ZNF564: variants seen among roughly 807,000 people sequenced by gnomAD.
ZNF564 encodes the protein zinc finger protein 564.
Under a neutral mutation model 10.5 loss-of-function variants are expected in ZNF564, and 5 were observed. The observed-to-expected ratio is 0.48, with a 90% confidence interval of 0.25 to 1.00. The LOEUF is 1.00. Ranked by LOEUF, ZNF564 falls within the 50% of genes least tolerant of loss-of-function variation. The probability of loss-of-function intolerance (pLI) is 0.16; values close to 1 mark genes in which losing one functional copy is unlikely to be tolerated. For synonymous variants in ZNF564, 242 were observed against 218.1 expected (o/e 1.11, Z -0.97); for missense variants, 603 against 669.7 (o/e 0.90, Z 1.10).
chr19:12,529,998 A>T, intron 1 of ZNF564: 1 of 157,690 alleles, frequency 6.3e-6, no homozygotes, highest in South Asian at 1.9e-4. Context: ...AAAAAAAAAA[A>T]AAAGAAAGAA....
In ZNF564 at chr19:12,527,336, AT is replaced by A. The variant is rs764054027; in HGVS notation, c.771del (p.Glu257AspfsTer44). On this transcript the variant is annotated frameshift_variant, in exon 4 of 4. Transcript: ENST00000339282. LOFTEE classifies it low-confidence loss of function (END_TRUNC). ...CTGGGGCGGTCAAAGGCTTTTCCAC[AT>A]TCCTGACATTTATAAGGTCCATCTC... ...HTGDGPYKCQ[E>X]CGKAFDRPSL... The A allele has an allele frequency of 6.1e-4, 986 of 1,613,990 alleles. 14 individuals are homozygous for A. Among genetic ancestry groups the A allele is most frequent in the Non-Finnish European group, 1.6e-5 (19 of 1,179,984 alleles).
At chr19:12,530,460 A>G (rs1268800678) in intron 1 of ZNF564, among the ~76,000 whole-genome samples, 3 of 152,082 alleles carry the variant, frequency 2.0e-5, no homozygotes, top group African/African-American at 7.2e-5. Context: ...ACATACACAA[A>G]CATACTAAGA....
In ZNF564 at chr19:12,536,594, G is replaced by T. The variant is rs150650974; in HGVS notation, c.4-7898C>A. Among the ~76,000 whole-genome samples the T allele has an allele frequency of 1.1e-4, 16 of 152,250 alleles. No individual in the cohort carries two copies. The East Asian group carries it at 3.1e-3, about 29-fold the overall frequency. On this transcript the variant is annotated intron_variant, in intron 1 of 3. Coordinates refer to ENST00000339282, the MANE Select transcript of ZNF564 (RefSeq NM_144976.4). The stretch of plus-strand genomic sequence containing the variant: ...CTGCACTGTATATTCCGAGAAGTTA[G>T]GAGCCCAGCACTGTATATTCTGAGA...
chr19:12,543,472 C>T (rs1481160928), intron 1 of ZNF564, among the ~76,000 whole-genome samples: 6 of 151,464 alleles, frequency 4.0e-5, no homozygotes, highest in South Asian at 2.1e-4. Context: ...GTCAGGAGCT[C>T]GAGACCAGCC....
At chr19:12,542,701 A>G (rs1319183698) in intron 1 of ZNF564, among the ~76,000 whole-genome samples, 9 of 151,848 alleles carry the variant, frequency 5.9e-5, no homozygotes, top group African/African-American at 9.7e-5. Context: ...AAAAGGAAAG[A>G]AAGGAAGGAA....
intron 1 of ZNF564, among the ~76,000 whole-genome samples, chr19:12,545,216 C>A (rs2022127720): frequency 6.7e-6 from 1 of 148,528 alleles, no homozygotes; most frequent in South Asian, 2.1e-4. Flanking sequence ...GAGCCAAGAT[C>A]GCACCATTGC....
chr19:12,546,743 A>C (rs1042509345), intron 1 of ZNF564, among the ~76,000 whole-genome samples: 1 of 152,126 alleles, frequency 6.6e-6, no homozygotes, highest in Non-Finnish European at 1.5e-5. Flanking sequence ...AAAAGAAAAA[A>C]CAAAACAGAC....
chr19:12,539,075 C>CA (rs1370133296), intron 1 of ZNF564, among the ~76,000 whole-genome samples: 5 of 144,988 alleles, frequency 3.4e-5, no homozygotes, highest in Admixed American at 6.9e-5. Flanking sequence ...TAAAAAAATT[C>CA]AAAAAAAAAT....
intron 1 of ZNF564, among the ~76,000 whole-genome samples, chr19:12,536,194 T>C (rs1439991215): frequency 1.3e-5 from 2 of 152,152 alleles, no homozygotes; most frequent in African/African-American, 2.4e-5. Flanking sequence ...TTTCTTTTTT[T>C]GAGACAGGGT....
Position 12,525,536 on chromosome 19 carries a change from T to C in ZNF564, c.*910A>G, listed in dbSNP as rs144111423. On this transcript the variant is annotated 3_prime_UTR_variant, in exon 4 of 4. Coordinates refer to ENST00000339282, the MANE Select transcript of ZNF564 (RefSeq NM_144976.4). ...GATACTACTAATCCTAATGAGATGC[T>C]ATGTATGTCTTGAGTTTGATTTGTA... 1 of 152,358 alleles carries C rather than the reference T, an allele frequency of 6.6e-6. No individual in the cohort carries two copies. Among genetic ancestry groups the C allele is most frequent in the African/African-American group, 2.4e-5 (1 of 41,582 alleles). 9.4% of individuals were successfully genotyped at this position (152,358 alleles called of 1,614,324 possible).
At chr19:12,547,960 C>T (rs895188768) in intron 1 of ZNF564, among the ~76,000 whole-genome samples, 4 of 151,298 alleles carry the variant, frequency 2.6e-5, no homozygotes, top group Admixed American at 6.6e-5. Flanking sequence ...TACAGGCATG[C>T]GCCACCATGC....
At chr19:12,548,159 T>A (rs1342507067) in intron 1 of ZNF564, 3 of 982,170 alleles carry the variant, frequency 3.1e-6, no homozygotes, top group Non-Finnish European at 3.6e-6. Flanking sequence ...TCCAGCAAAA[T>A]CACTCAAACT....
At position 12,525,453 on chromosome 19, in the gene ZNF564, G is replaced by A. The variant is rs148477499; in HGVS notation, c.*993C>T. On this transcript the variant is annotated 3_prime_UTR_variant, in exon 4 of 4. Coordinates refer to ENST00000339282, the MANE Select transcript of ZNF564 (RefSeq NM_144976.4). ...ATACCACTGTACATTCCCAGTGATAGTGCACAATGTTCTCCAACATTCCAC... is the reference window on the plus strand; with the variant it reads ...ATACCACTGTACATTCCCAGTGATAATGCACAATGTTCTCCAACATTCCAC... The A allele has an allele frequency of 1.3e-5, 2 of 152,324 alleles. No homozygotes were observed. Among genetic ancestry groups the A allele is most frequent in the African/African-American group, 2.4e-5 (1 of 41,570 alleles). 9.4% of individuals were successfully genotyped at this position (152,324 alleles called of 1,614,324 possible). A position where few individuals can be genotyped will look rare whatever the true frequency, so the allele number is the denominator to read the frequency against.
intron 1 of ZNF564, among the ~76,000 whole-genome samples, chr19:12,531,644 A>G (rs1385347033): frequency 6.6e-6 from 1 of 152,158 alleles, no homozygotes; most frequent in Non-Finnish European, 1.5e-5. Context: ...AATACCACAG[A>G]AGGCCACAAC....
intron 1 of ZNF564, among the ~76,000 whole-genome samples, chr19:12,547,320 G>T (rs1341249686): frequency 6.6e-6 from 1 of 152,124 alleles, no homozygotes; most frequent in African/African-American, 2.4e-5. Flanking sequence ...CTCCCAAAGT[G>T]CTGGGATTAT....
chr19:12,542,266 G>A (rs535839805), intron 1 of ZNF564, among the ~76,000 whole-genome samples: 53 of 141,580 alleles, frequency 3.7e-4, no homozygotes, highest in African/African-American at 1.3e-3. Flanking sequence ...TAAAGATCAC[G>A]GCACTACACT....
intron 1 of ZNF564, among the ~76,000 whole-genome samples, chr19:12,550,905 C>T (rs1447572662): frequency 6.6e-6 from 1 of 152,134 alleles, no homozygotes; most frequent in Non-Finnish European, 1.5e-5. Context: ...TTTTCCAGTA[C>T]GTTTGGAAGA....
chr19:12,546,084 G>A (rs2022146437), intron 1 of ZNF564, among the ~76,000 whole-genome samples: 1 of 152,116 alleles, frequency 6.6e-6, no homozygotes, highest in African/African-American at 2.4e-5. Context: ...TAGGATCCCT[G>A]TCCCAGGAAC....
chr19:12,529,737 C>T (rs1437711645), intron 1 of ZNF564: 4 of 152,020 alleles, frequency 2.6e-5, no homozygotes, highest in Non-Finnish European at 4.4e-5. Flanking sequence ...AATCCCAACA[C>T]TTTGGGAGGC....
Sources: allele counts gnomAD v4.1 joint callset (sites outside exome capture counted in the v4.1 genomes callset), GRCh38; gene constraint gnomAD v4.1.1; transcripts MANE v1.5; gene names NCBI Gene and HGNC (gene_info 2026-07-23, HGNC 2026-07-21).